Variants in JARID2 observed in about 807,000 individuals in gnomAD.
The protein encoded by JARID2 is jumonji and AT-rich interaction domain containing 2, also known as protein Jumonji.
A neutral mutation model predicts 125.6 loss-of-function variants in JARID2; 21 were observed. That is an observed-to-expected ratio of 0.17 (90% CI 0.12 to 0.24). The LOEUF is 0.24. JARID2 is among the 10% of genes least tolerant of loss of function. The pLI is 1.00. For synonymous variants in JARID2, 736 were observed against 661.6 expected (o/e 1.11, Z -1.73); for missense variants, 1,303 against 1,639.6 (o/e 0.79, Z 3.55).
At chr6:15,469,324 C>CCTG (rs1768921883) in intron 5 of JARID2, among the ~76,000 whole-genome samples, 2 of 102,212 alleles carry the variant, frequency 2.0e-5, no homozygotes, top group Non-Finnish European at 4.1e-5. Context: ...CTCTGTCTCT[C>CCTG]TCTCTCTCTC....
chr6:15,514,863 G>A (rs1020788021), intron 16 of JARID2, among the ~76,000 whole-genome samples: 7 of 152,102 alleles, frequency 4.6e-5, no homozygotes, highest in South Asian at 2.1e-4. Flanking sequence ...GTCCGTGACC[G>A]CCCTGCCTCC....
intron 2 of JARID2, among the ~76,000 whole-genome samples, chr6:15,376,282 G>T (rs1259930415): frequency 6.6e-6 from 1 of 152,326 alleles, no homozygotes; most frequent in East Asian, 1.9e-4. Context: ...AAATTGCTGT[G>T]AATATGCCAT....
intron 2 of JARID2, among the ~76,000 whole-genome samples, chr6:15,389,932 C>T (rs1347222216): frequency 2.0e-5 from 3 of 152,156 alleles, no homozygotes; most frequent in Non-Finnish European, 4.4e-5. Flanking sequence ...CAGCAATTTA[C>T]AGTGTATTTC....
At chr6:15,469,266 C>G (rs1768902310) in intron 5 of JARID2, among the ~76,000 whole-genome samples, 1 of 112,484 alleles carries the variant, frequency 8.9e-6, no homozygotes, top group Non-Finnish European at 1.9e-5. Flanking sequence ...TCTTTTCTCT[C>G]TGTCTCTCTG....
At position 15,470,160 on chromosome 6, in the gene JARID2, G is replaced by C. The variant is rs1321476047; in HGVS notation, c.670+1442G>C. 2.1e-5 allele frequency among the ~76,000 whole-genome samples: 3 copies of C among 141,896 alleles called. No homozygotes were observed. The East Asian group carries it at 6.2e-4, about 29-fold the overall frequency. 93.1% of individuals were successfully genotyped at this position (141,896 alleles called of 152,430 possible). On this transcript the variant is annotated intron_variant, in intron 5 of 17. Transcript: ENST00000341776. Reference sequence around the variant, plus strand: ...CCACTGCACTCCAGCTTGGGCGACAGAGCGAGACTCTGTCTCAAAAAAAAA... The same window carrying C: ...CCACTGCACTCCAGCTTGGGCGACACAGCGAGACTCTGTCTCAAAAAAAAA...
At chr6:15,439,413 G>C (rs1767353937) in intron 3 of JARID2, among the ~76,000 whole-genome samples, 1 of 152,132 alleles carries the variant, frequency 6.6e-6, no homozygotes, top group Non-Finnish European at 1.5e-5. Context: ...CCTTCCCTCT[G>C]TTTTGTAATG....
intron 1 of JARID2, among the ~76,000 whole-genome samples, chr6:15,266,988 G>T (rs1040066666): frequency 1.3e-5 from 2 of 152,154 alleles, no homozygotes; most frequent in Non-Finnish European, 2.9e-5. Context: ...GAGATTAGGT[G>T]CTCTAATAGG....
At chr6:15,331,417 G>A (rs1296512154) in intron 1 of JARID2, among the ~76,000 whole-genome samples, 2 of 151,984 alleles carry the variant, frequency 1.3e-5, no homozygotes, top group South Asian at 2.1e-4. Flanking sequence ...AGTGCCCTTA[G>A]AAGTATAATA....
intron 1 of JARID2, among the ~76,000 whole-genome samples, chr6:15,340,376 T>A (rs1763026814): frequency 6.6e-6 from 1 of 152,216 alleles, no homozygotes; most frequent in East Asian, 1.9e-4. Context: ...CTGTGACTTG[T>A]GCGACATCAT....
chr6:15,419,440 G>A (rs1035800424), intron 3 of JARID2, among the ~76,000 whole-genome samples: 1 of 152,108 alleles, frequency 6.6e-6, no homozygotes, highest in African/African-American at 2.4e-5. Flanking sequence ...AGTTATCTAC[G>A]TAGTTGCCAT....
intron 1 of JARID2, among the ~76,000 whole-genome samples, chr6:15,332,641 G>C (rs2127457462): frequency 6.6e-6 from 1 of 152,258 alleles, no homozygotes; most frequent in South Asian, 2.1e-4. Flanking sequence ...ACTTGTGTAA[G>C]TCCAGCTGTC....
chr6:15,396,317 G>T (rs1765216437), intron 2 of JARID2, among the ~76,000 whole-genome samples: 2 of 152,174 alleles, frequency 1.3e-5, no homozygotes, highest in South Asian at 4.1e-4. Flanking sequence ...TGTAATTAAT[G>T]CCTCCAACAC....
intron 2 of JARID2, among the ~76,000 whole-genome samples, chr6:15,391,749 T>C (rs1765018441): frequency 6.6e-6 from 1 of 152,206 alleles, no homozygotes; most frequent in South Asian, 2.1e-4. Context: ...ACTGGGTGTC[T>C]AGGAGCAAGG....
intron 2 of JARID2, among the ~76,000 whole-genome samples, chr6:15,409,568 G>A (rs1030954621): frequency 1.3e-5 from 2 of 152,176 alleles, no homozygotes; most frequent in African/African-American, 4.8e-5. Context: ...GAGCCCCCAA[G>A]GGCCTGCAGC....
intron 1 of JARID2, among the ~76,000 whole-genome samples, chr6:15,331,148 T>C (rs1426275487): frequency 6.6e-6 from 1 of 151,406 alleles, no homozygotes; most frequent in African/African-American, 2.4e-5. Flanking sequence ...GCCTGGGTGA[T>C]ATGGCAAAAT....
At chr6:15,392,071 T>TGTGC (rs1765036302) in intron 2 of JARID2, among the ~76,000 whole-genome samples, 1 of 107,948 alleles carries the variant, frequency 9.3e-6, no homozygotes, top group Non-Finnish European at 1.8e-5. Flanking sequence ...TGTGTGTGTG[T>TGTGC]GTGTGTGCGT....
At chr6:15,377,624 C>A (rs2127521571) in intron 2 of JARID2, among the ~76,000 whole-genome samples, 1 of 152,230 alleles carries the variant, frequency 6.6e-6, no homozygotes, top group African/African-American at 2.4e-5. Flanking sequence ...CACCACCACA[C>A]CTGGGCAACA....
At chr6:15,272,300 C>T (rs1227998959) in intron 1 of JARID2, among the ~76,000 whole-genome samples, 3 of 152,190 alleles carry the variant, frequency 2.0e-5, no homozygotes, top group African/African-American at 7.2e-5. Context: ...AATGCGTTGC[C>T]TGCATAGTGT....
intron 1 of JARID2, among the ~76,000 whole-genome samples, chr6:15,275,533 GCC>G (rs61037434): frequency 0.025 from 477 of 18,714 alleles, 35 homozygotes; most frequent in African/African-American, 0.11. Context: ...CGCCCCCCCC[GCC>G]CCCCCCCCCG....
Sources: gnomAD v4.1 joint callset for allele counts (sites outside exome capture counted in the v4.1 genomes callset) on GRCh38, gnomAD v4.1.1 for gene constraint, MANE v1.5 for transcripts, NCBI Gene and HGNC (gene_info 2026-07-23, HGNC 2026-07-21) for gene names.